Variants in SLIT2 observed in about 807,000 individuals in gnomAD.
SLIT2 encodes slit homolog 2 protein.
Under a neutral mutation model 185.7 loss-of-function variants are expected in SLIT2, and 41 were observed. That is an observed-to-expected ratio of 0.22 (90% CI 0.17 to 0.29). SLIT2 has a LOEUF of 0.29. SLIT2 is among the 10% of genes least tolerant of loss of function. SLIT2 has a pLI of 1.00. For synonymous variants in SLIT2, 693 were observed against 680.2 expected, an observed-to-expected ratio of 1.02 and a Z score of -0.29; for missense variants, 1,571 against 1,909.0, an observed-to-expected ratio of 0.82 and a Z score of 3.30.
intron 5 of SLIT2, among the ~76,000 whole-genome samples, chr4:20,477,997 A>G (rs16869643): frequency 0.17 from 25,469 of 152,086 alleles, 2,165 homozygotes; most frequent in Middle Eastern, 0.24. Context: ...GGTGAAACAA[A>G]AAGAGTGCAG....
At chr4:20,602,389 A>T (rs1728477197) in intron 33 of SLIT2, among the ~76,000 whole-genome samples, 1 of 152,220 alleles carries the variant, frequency 6.6e-6, no homozygotes, top group African/African-American at 2.4e-5. Context: ...TGTAGTAATT[A>T]TTCTTTTAGC....
chr4:20,315,117 G>A (rs985040426), intron 4 of SLIT2, among the ~76,000 whole-genome samples: 16 of 152,036 alleles, frequency 1.1e-4, no homozygotes, highest in African/African-American at 3.9e-4. Flanking sequence ...ATATAAAAGT[G>A]TGTCTTCAAT....
intron 5 of SLIT2, among the ~76,000 whole-genome samples, chr4:20,477,189 A>T (rs1327079333): frequency 6.8e-6 from 1 of 146,830 alleles, no homozygotes; most frequent in Non-Finnish European, 1.5e-5. Context: ...ATACCGAGAG[A>T]TCATGATTTT....
At chr4:20,539,795 G>T (rs1020524756) in intron 19 of SLIT2, among the ~76,000 whole-genome samples, 6 of 151,962 alleles carry the variant, frequency 3.9e-5, no homozygotes, top group Non-Finnish European at 5.9e-5. Context: ...TTATAGTATT[G>T]TTCAGTGAAT....
intron 21 of SLIT2, among the ~76,000 whole-genome samples, chr4:20,542,849 TGTGTGTGTGTGTGC>T (rs201771951): frequency 0.017 from 1,819 of 108,026 alleles, 19 homozygotes; most frequent in African/African-American, 0.024. Flanking sequence ...TGTGTGTGTG[TGTGTGTGTGTGTGC>T]GCTATAAGAT....
intron 4 of SLIT2, among the ~76,000 whole-genome samples, chr4:20,359,110 A>G (rs574570962): frequency 2.6e-5 from 4 of 152,290 alleles, no homozygotes; most frequent in Admixed American, 1.3e-4. Context: ...CTGGTACCCA[A>G]CACATATCCC....
intron 18 of SLIT2, among the ~76,000 whole-genome samples, chr4:20,535,488 G>A (rs1722187106): frequency 6.6e-6 from 1 of 152,058 alleles, no homozygotes; most frequent in Non-Finnish European, 1.5e-5. Flanking sequence ...TCTCCTGGCA[G>A]GGAAGTACCT....
chr4:20,475,691 A>G (rs998975531), intron 5 of SLIT2, among the ~76,000 whole-genome samples: 4 of 152,130 alleles, frequency 2.6e-5, no homozygotes, highest in African/African-American at 9.6e-5. Context: ...ATATGCTATG[A>G]ATTTATTAAA....
intron 4 of SLIT2, among the ~76,000 whole-genome samples, chr4:20,340,057 T>C (rs1282306308): frequency 6.6e-6 from 1 of 152,156 alleles, no homozygotes; most frequent in African/African-American, 2.4e-5. Context: ...CTTTTCTCCT[T>C]TATTCTCTTT....
intron 4 of SLIT2, among the ~76,000 whole-genome samples, chr4:20,297,087 CTTACAAA>C (rs1478018855): frequency 6.6e-6 from 1 of 152,178 alleles, no homozygotes; most frequent in East Asian, 1.9e-4. Flanking sequence ...TCCTTGCTTC[CTTACAAA>C]TAGTTTCCTT....
chr4:20,567,536 C>A lies in SLIT2; in HGVS notation c.2869C>A (p.Pro957Thr). The A allele has an allele frequency of 6.2e-7, 1 of 1,613,210 alleles. No individual in the cohort carries two copies. Among genetic ancestry groups the A allele is most frequent in the African/African-American group, 1.3e-5 (1 of 74,940 alleles). The stretch of plus-strand genomic sequence containing the variant: ...TCTCCAGGGGCAGGACTGTGATGTC[C>A]CAATTCATGCCTGCATCAGTAACCC... The part of the protein sequence containing the change: ...YGFKGQDCDV[P>T]IHACISNPCK... The change falls in exon 28 of 37, where the codon CCA becomes ACA. Residue 957 changes from proline to threonine, a missense_variant. By Grantham distance (38) the Pro-to-Thr change is conservative. Transcript: ENST00000504154.
intron 32 of SLIT2, among the ~76,000 whole-genome samples, chr4:20,597,902 A>G (rs892931665): frequency 6.6e-6 from 1 of 152,196 alleles, no homozygotes; most frequent in Non-Finnish European, 1.5e-5. Flanking sequence ...TTTAAATATG[A>G]GATATAAAAA....
At chr4:20,367,532 A>G (rs1723213567) in intron 4 of SLIT2, among the ~76,000 whole-genome samples, 1 of 152,208 alleles carries the variant, frequency 6.6e-6, no homozygotes, top group Non-Finnish European at 1.5e-5. Flanking sequence ...TAAGTCTCCC[A>G]GAAAATATCC....
At chr4:20,542,441 A>G (rs1722878200) in intron 20 of SLIT2, 53 bp from the exon 21 acceptor site, 6 of 1,590,672 alleles carry the variant, frequency 3.8e-6, no homozygotes, top group Non-Finnish European at 5.2e-6. Context: ...AATCCCTTCT[A>G]GCACCTTCAA....
At chr4:20,579,360 C>T (rs1274440278) in intron 29 of SLIT2, among the ~76,000 whole-genome samples, 1 of 150,646 alleles carries the variant, frequency 6.6e-6, no homozygotes, top group Non-Finnish European at 1.5e-5. Flanking sequence ...CTGTAATTAA[C>T]ACAGCTTATT....
chr4:20,613,786 G>A (rs1369900904), intron 34 of SLIT2, among the ~76,000 whole-genome samples: 5 of 152,164 alleles, frequency 3.3e-5, no homozygotes, highest in Admixed American at 2.0e-4. Context: ...TCTGGGGAGA[G>A]GCAGCCCCTT....
intron 24 of SLIT2, among the ~76,000 whole-genome samples, chr4:20,550,351 C>A (rs1339193967): frequency 6.7e-6 from 1 of 149,702 alleles, no homozygotes; most frequent in Non-Finnish European, 1.5e-5. Flanking sequence ...GCATATACTA[C>A]TTTACTCTAT....
At chr4:20,364,889 A>T (rs1722994806) in intron 4 of SLIT2, among the ~76,000 whole-genome samples, 1 of 151,922 alleles carries the variant, frequency 6.6e-6, no homozygotes, top group Admixed American at 6.6e-5. Flanking sequence ...GGCTCTTTTT[A>T]CTCTTATCAA....
chr4:20,616,656 T>A, intron 34 of SLIT2: 1 of 382,410 alleles, frequency 2.6e-6, no homozygotes, highest in Non-Finnish European at 4.7e-6. Context: ...GAAGCAAATT[T>A]TAAAGATTAA....
Sources: allele counts gnomAD v4.1 joint callset (sites outside exome capture counted in the v4.1 genomes callset), GRCh38; gene constraint gnomAD v4.1.1; transcripts MANE v1.5; gene names NCBI Gene and HGNC (gene_info 2026-07-23, HGNC 2026-07-21).